Variants in COG5 observed in about 807,000 individuals in gnomAD.
The protein encoded by COG5 is component of oligomeric golgi complex 5.
A neutral mutation model predicts 110.4 loss-of-function variants in COG5; 86 were observed. The ratio of observed to expected loss-of-function variants is 0.78; its 90% CI spans 0.65 to 0.93. The LOEUF (loss-of-function observed/expected upper bound fraction) is 0.93. Among genes scored for constraint, COG5 ranks in the 40% least tolerant of loss-of-function variants. COG5 has a pLI of 0.00. For missense variants in COG5, 1,077 were observed against 987.0 expected, an observed-to-expected ratio of 1.09 and a Z score of -1.22; for synonymous variants, 360 against 334.6, an observed-to-expected ratio of 1.08 and a Z score of -0.83.
intron 19 of COG5, among the ~76,000 whole-genome samples, chr7:107,228,732 C>T (rs2116383489): frequency 6.6e-6 from 1 of 150,594 alleles, no homozygotes; most frequent in East Asian, 2.0e-4. Flanking sequence ...GGGCAGTGAT[C>T]TTTCATTTGA....
chr7:107,468,883 C>T (rs538659227), intron 6 of COG5, among the ~76,000 whole-genome samples: 5 of 151,964 alleles, frequency 3.3e-5, no homozygotes, highest in Admixed American at 2.6e-4. Flanking sequence ...CAACAGAGTC[C>T]AGCTGTTTTA....
intron 1 of COG5, 39 bp downstream of exon 1, chr7:107,563,764 C>G: frequency 1.2e-6 from 2 of 1,609,414 alleles, no homozygotes; most frequent in Non-Finnish European, 1.7e-6. Flanking sequence ...GCAGCGCAGA[C>G]CCCCAACCCC....
intron 10 of COG5, among the ~76,000 whole-genome samples, chr7:107,347,184 C>T (rs577346253): frequency 3.2e-4 from 49 of 152,290 alleles, no homozygotes; most frequent in African/African-American, 1.1e-3. Flanking sequence ...TCCCACCTGA[C>T]ATTCTTTCAA....
chr7:107,365,616 A>G (rs1753715753), intron 8 of COG5, among the ~76,000 whole-genome samples: 1 of 150,152 alleles, frequency 6.7e-6, no homozygotes, highest in African/African-American at 2.5e-5. Context: ...AAAAAAAAAA[A>G]AAAAAAGAAA....
chr7:107,508,737 T>C (rs1324020703), intron 6 of COG5, among the ~76,000 whole-genome samples: 1 of 152,172 alleles, frequency 6.6e-6, no homozygotes, highest in Admixed American at 6.5e-5. Flanking sequence ...TCCACTGTTC[T>C]ACAGCCACCG....
chr7:107,427,329 A>G (rs1487653723), intron 6 of COG5, among the ~76,000 whole-genome samples: 1 of 152,134 alleles, frequency 6.6e-6, no homozygotes, highest in Non-Finnish European at 1.5e-5. Context: ...CCCAAACTTG[A>G]TAATTTCTTC....
chr7:107,381,519 T>A (rs1293782969), intron 7 of COG5, among the ~76,000 whole-genome samples: 1 of 152,212 alleles, frequency 6.6e-6, no homozygotes, highest in Non-Finnish European at 1.5e-5. Context: ...CTTCGTCAAT[T>A]GTGTTTGAAC....
intron 6 of COG5, among the ~76,000 whole-genome samples, chr7:107,509,067 GAGA>G (rs1799276037): frequency 6.6e-6 from 1 of 152,192 alleles, no homozygotes; most frequent in Admixed American, 6.5e-5. Flanking sequence ...GACGTGTTGA[GAGA>G]AGAAGGCTTC....
Position 107,404,861 on chromosome 7 carries a change from C to T in COG5, c.669+7641G>A, listed in dbSNP as rs143463816. Among the ~76,000 whole-genome samples the T allele has an allele frequency of 6.5e-3, 737 of 113,154 alleles. 2 individuals are homozygous for T. The highest frequency in any genetic ancestry group is 9.5e-3 in the Admixed American group (79 of 8,356). The allele number at this position is 113,154 out of a possible 152,430, so 74.2% of individuals were successfully genotyped here. On this transcript the variant is annotated intron_variant, in intron 7 of 21. Coordinates refer to ENST00000297135, the MANE Select transcript of COG5 (RefSeq NM_006348.5). ...GATGGTTGATGGAAAGTAAAGAGAGCGTAAAACAGTAATTTCAGAAGATGA... is the reference window on the plus strand; with the variant it reads ...GATGGTTGATGGAAAGTAAAGAGAGTGTAAAACAGTAATTTCAGAAGATGA...
At chr7:107,251,838 T>C (rs886669374) in intron 16 of COG5, among the ~76,000 whole-genome samples, 7 of 151,920 alleles carry the variant, frequency 4.6e-5, no homozygotes, top group Admixed American at 2.0e-4. Context: ...ACAGAAAGTA[T>C]TGAAACTAGC....
intron 11 of COG5, among the ~76,000 whole-genome samples, chr7:107,307,949 CT>C (rs1383104300): frequency 6.6e-6 from 1 of 152,104 alleles, no homozygotes; most frequent in Admixed American, 6.6e-5. Flanking sequence ...AGCCACAGTT[CT>C]CTTATACTTT....
At chr7:107,498,285 T>TA (rs1305600857) in intron 6 of COG5, among the ~76,000 whole-genome samples, 1 of 152,162 alleles carries the variant, frequency 6.6e-6, no homozygotes, top group Non-Finnish European at 1.5e-5. Context: ...CAAGTGCGAC[T>TA]ACATGAAACT....
At chr7:107,327,949 A>G (rs1809914026) in intron 10 of COG5, among the ~76,000 whole-genome samples, 1 of 152,200 alleles carries the variant, frequency 6.6e-6, no homozygotes. Context: ...TAAGTAAAAG[A>G]GCTGAAAGCA....
intron 7 of COG5, among the ~76,000 whole-genome samples, chr7:107,410,529 G>A (rs1792203141): frequency 1.3e-5 from 2 of 151,964 alleles, no homozygotes; most frequent in African/African-American, 4.8e-5. Context: ...CGCAACCTCC[G>A]GCTCCTGGGT....
intron 7 of COG5, among the ~76,000 whole-genome samples, chr7:107,391,136 G>A (rs748718928): frequency 1.4e-4 from 21 of 151,926 alleles, no homozygotes; most frequent in Non-Finnish European, 2.4e-4. Flanking sequence ...TTACCTTCCC[G>A]TGATGTTTAC....
At chr7:107,441,180 AG>A (rs1346849058) in intron 6 of COG5, among the ~76,000 whole-genome samples, 3 of 136,322 alleles carry the variant, frequency 2.2e-5, no homozygotes, top group Admixed American at 8.3e-5. Context: ...GCTTGAACCC[AG>A]GGGGGCAAAG....
chr7:107,287,857 A>G (rs2116843848), intron 12 of COG5, among the ~76,000 whole-genome samples: 1 of 152,296 alleles, frequency 6.6e-6, no homozygotes. Flanking sequence ...AATATTGTAT[A>G]TATTTTAATT....
At chr7:107,532,978 T>C (rs1220243576) in intron 5 of COG5, among the ~76,000 whole-genome samples, 2 of 152,182 alleles carry the variant, frequency 1.3e-5, no homozygotes, top group Non-Finnish European at 2.9e-5. Context: ...ACGGTGATTT[T>C]TTTCTAGTCA....
rs1051459982 is a variant in COG5, at chr7:107,427,172, A to G, written c.539-14540T>C. Among the ~76,000 whole-genome samples, 4 of 152,240 alleles carry G rather than the reference A, an allele frequency of 2.6e-5. No individual in the cohort carries two copies. The East Asian group carries it at 5.8e-4, about 22-fold the overall frequency. The stretch of plus-strand genomic sequence containing the variant: ...TCTCTCCAAAAGTAAGGCTATATAG[A>G]TAGACCACACTGGAGTCCAGCTGAA... On this transcript the variant is annotated intron_variant, in intron 6 of 21. Coordinates refer to ENST00000297135, the MANE Select transcript of COG5 (RefSeq NM_006348.5).
Sources: gnomAD v4.1 joint callset for allele counts (sites outside exome capture counted in the v4.1 genomes callset) on GRCh38, gnomAD v4.1.1 for gene constraint, MANE v1.5 for transcripts, NCBI Gene and HGNC (gene_info 2026-07-23, HGNC 2026-07-21) for gene names.